The following OXSR1 variants were observed in gnomAD, a reference collection of about 807,000 sequenced individuals.
OXSR1 encodes oxidative stress responsive kinase 1, also known as serine/threonine-protein kinase OSR1.
Under a neutral mutation model 79.8 loss-of-function variants are expected in OXSR1, and 24 were observed. The ratio of observed to expected loss-of-function variants is 0.30; its 90% confidence interval spans 0.22 to 0.42. The LOEUF (loss-of-function observed/expected upper bound fraction) is 0.42, where lower values mean the gene tolerates loss of function less well. Among genes scored for constraint, OXSR1 ranks in the 10% least tolerant of loss-of-function variants. The pLI is 1.00. For missense variants in OXSR1, 430 were observed against 618.4 expected (o/e 0.70, Z 3.23); for synonymous variants, 226 against 209.2 (o/e 1.08, Z -0.69).
At chr3:38,221,478 T>C in intron 5 of OXSR1, 100 bp from the exon 6 acceptor site, 1 of 639,442 alleles carries the variant, frequency 1.6e-6, no homozygotes, top group Non-Finnish European at 2.8e-6. Flanking sequence ...CTATCATGCT[T>C]TTTATTTATA....
chr3:38,223,591 C>T (rs543340194), intron 6 of OXSR1, among the ~76,000 whole-genome samples: 10 of 150,984 alleles, frequency 6.6e-5, no homozygotes, highest in African/African-American at 2.4e-4. Flanking sequence ...TACAGGCATG[C>T]GCCACCGTGC....
rs201145646 is a variant in OXSR1 at position 38,221,629 on chromosome 3, A to G, written c.542A>G (p.Lys181Arg). ...ACTGGTGGTGATATTACCCGAAATA[A>G]AGTGAGAAAGACCTTTGTTGGCACC... is the stretch of plus-strand genomic sequence containing the variant. ...LATGGDITRN[K>R]VRKTFVGTPC... Residue 181 changes from lysine to arginine, a missense_variant, in exon 6 of 18, where the codon AAA becomes AGA. This residue lies in a region of OXSR1 where 145 missense variants were observed against 228.3 expected (regional missense o/e 0.64). Coordinates refer to ENST00000311806, the MANE Select transcript of OXSR1 (RefSeq NM_005109.3). 4.3e-5 allele frequency: 70 copies of G among 1,613,360 alleles called. No homozygotes were observed. Among genetic ancestry groups the G allele is most frequent in the Non-Finnish European group, 5.7e-5 (67 of 1,179,514 alleles).
At chr3:38,183,748 A>G (rs983590032) in intron 2 of OXSR1, among the ~76,000 whole-genome samples, 1 of 152,208 alleles carries the variant, frequency 6.6e-6, no homozygotes, top group African/African-American at 2.4e-5. Context: ...GTCCCAAGCA[A>G]TAGCTGTAAG....
At chr3:38,251,334 A>C in intron 15 of OXSR1, 69 bp from the exon 16 acceptor site, 1 of 1,288,910 alleles carries the variant, frequency 7.8e-7, no homozygotes, top group Non-Finnish European at 1.1e-6. Flanking sequence ...TGACACCCAC[A>C]TGAGCTGTGA....
At chr3:38,252,744 C>T in intron 17 of OXSR1, 73 bp from the exon 18 acceptor site, 1 of 1,190,304 alleles carries the variant, frequency 8.4e-7, no homozygotes, top group Non-Finnish European at 1.3e-6. Context: ...CCCACTATCC[C>T]ATGTCTGTTT....
At chr3:38,168,676 G>C (rs1309678171) in intron 1 of OXSR1, among the ~76,000 whole-genome samples, 2 of 152,064 alleles carry the variant, frequency 1.3e-5, no homozygotes, top group Non-Finnish European at 2.9e-5. Flanking sequence ...GTTACTCCCT[G>C]TTCCCACCCC....
chr3:38,238,634 A>G (rs973665198), intron 11 of OXSR1, among the ~76,000 whole-genome samples: 2 of 152,026 alleles, frequency 1.3e-5, no homozygotes, highest in Non-Finnish European at 2.9e-5. Context: ...ATGTTTCTTC[A>G]CCATCTTCTT....
intron 10 of OXSR1, 38 bp from the exon 11 acceptor site, chr3:38,236,801 A>G (rs772479193): frequency 6.5e-7 from 1 of 1,547,704 alleles, no homozygotes. Flanking sequence ...AGTAAGCATG[A>G]AATACCACCA....
chr3:38,237,028 A>G (rs1016765867), intron 11 of OXSR1, 67 bp downstream of exon 11: 21 of 1,398,626 alleles, frequency 1.5e-5, no homozygotes, highest in East Asian at 4.7e-5. Flanking sequence ...TTAACCAGCT[A>G]AAATATAAAG....
intron 1 of OXSR1, among the ~76,000 whole-genome samples, chr3:38,182,081 G>C (rs2125808113): frequency 6.6e-6 from 1 of 152,278 alleles, no homozygotes; most frequent in African/African-American, 2.4e-5. Context: ...TTTAAGTTTA[G>C]TGTATAGCTC....
intron 2 of OXSR1, among the ~76,000 whole-genome samples, chr3:38,190,428 G>C (rs1019091576): frequency 1.3e-5 from 2 of 152,066 alleles, no homozygotes; most frequent in Non-Finnish European, 2.9e-5. Context: ...TTCTTCAAGG[G>C]CACCTTGAAG....
At position 38,185,946 on chromosome 3, in the gene OXSR1, C is replaced by CAA. The variant is rs71085304; in HGVS notation, c.183+2861_183+2862dup. ...GGTGACACAGAGTGAGGCCCTGTCT[C>CAA]AAAAAAAAAAAAAAAAAAAAAAAAA... On this transcript the variant is annotated intron_variant, in intron 2 of 17. Coordinates refer to ENST00000311806, the MANE Select transcript of OXSR1 (RefSeq NM_005109.3). 5.6e-3 allele frequency among the ~76,000 whole-genome samples: 180 copies of CAA among 32,120 alleles called. 23 individuals carry two copies. Among genetic ancestry groups the CAA allele is most frequent in the African/African-American group, 0.018 (131 of 7,352 alleles). 21.1% of individuals were successfully genotyped at this position (32,120 alleles called of 152,430 possible). A position where few individuals can be genotyped will look rare whatever the true frequency, so the allele number is the denominator to read the frequency against.
rs112252255 is a variant in OXSR1 at position 38,232,032 on chromosome 3, A to G, written c.951+1602A>G. On this transcript the variant is annotated intron_variant, in intron 10 of 17. Coordinates refer to ENST00000311806, the MANE Select transcript of OXSR1 (RefSeq NM_005109.3). Reference sequence around the variant, plus strand: ...TGAGGCATGAGAATCATTTGAATGCAGAAGAGGGAGGTTGCAGTGAGCTGA... The same window carrying G: ...TGAGGCATGAGAATCATTTGAATGCGGAAGAGGGAGGTTGCAGTGAGCTGA... Among the ~76,000 whole-genome samples the G allele has an allele frequency of 1.1e-3, 162 of 152,272 alleles. 1 individual carries two copies. Among genetic ancestry groups the G allele is most frequent in the Middle Eastern group, 3.4e-3 (1 of 294 alleles).
chr3:38,230,595 T>C, intron 10 of OXSR1, 165 bp downstream of exon 10: 1 of 579,656 alleles, frequency 1.7e-6, no homozygotes, highest in Non-Finnish European at 3.1e-6. Context: ...ATCTTTGGTC[T>C]ACCATATGCC....
At chr3:38,223,567 C>T (rs1474467609) in intron 6 of OXSR1, among the ~76,000 whole-genome samples, 2 of 151,770 alleles carry the variant, frequency 1.3e-5, no homozygotes, top group South Asian at 2.1e-4. Context: ...CTCAGCCTTC[C>T]GAATAGCTGA....
intron 6 of OXSR1, among the ~76,000 whole-genome samples, chr3:38,223,357 C>T (rs1702626104): frequency 6.6e-6 from 1 of 151,878 alleles, no homozygotes; most frequent in Non-Finnish European, 1.5e-5. Flanking sequence ...AACTCTTGGC[C>T]TCAAGCCCAC....
Position 38,252,517 on chromosome 3 carries a change from C to T in OXSR1, c.1509+125C>T. The T allele has an allele frequency of 5.2e-6, 4 of 769,748 alleles. No homozygotes were observed. In the South Asian group the frequency reaches 5.8e-5, roughly 11 times the overall value. 47.7% of individuals were successfully genotyped at this position (769,748 alleles called of 1,614,324 possible). The stretch of plus-strand genomic sequence containing the variant: ...ATGTGGTGGATTGTGTTCATTTAGC[C>T]TCCCCAGTGCCCTGGGCTGATGTTT... On this transcript the variant is annotated intron_variant, in intron 17 of 17. Coordinates refer to ENST00000311806, the MANE Select transcript of OXSR1 (RefSeq NM_005109.3).
intron 10 of OXSR1, among the ~76,000 whole-genome samples, chr3:38,231,049 A>C (rs1702796278): frequency 6.6e-6 from 1 of 152,174 alleles, no homozygotes; most frequent in Non-Finnish European, 1.5e-5. Flanking sequence ...ATAGACTTGA[A>C]GAAGGTAAAG....
At chr3:38,190,677 A>G in intron 2 of OXSR1, 54 bp from the exon 3 acceptor site, 1 of 1,013,824 alleles carries the variant, frequency 9.9e-7, no homozygotes, top group South Asian at 1.3e-5. Context: ...CTAACTCACA[A>G]CATTTGTTTT....
Sources: gnomAD v4.1 joint callset for allele counts (sites outside exome capture counted in the v4.1 genomes callset) on GRCh38, gnomAD v4.1.1 for gene constraint, gnomAD v4.1.1 regional missense constraint, MANE v1.5 for transcripts, NCBI Gene and HGNC (gene_info 2026-07-23, HGNC 2026-07-21) for gene names.